PTPRT: variants seen among roughly 807,000 people sequenced by gnomAD.
The protein encoded by PTPRT is protein tyrosine phosphatase receptor type T, also known as receptor-type tyrosine-protein phosphatase T.
A neutral mutation model predicts 176.8 loss-of-function variants in PTPRT; 56 were observed. The observed-to-expected ratio is 0.32, with a 90% CI of 0.26 to 0.40. The LOEUF is 0.40. Among genes scored for constraint, PTPRT ranks in the 10% least tolerant of loss-of-function variants. The pLI is 1.00. For missense variants in PTPRT, 1,540 were observed against 1,908.2 expected, an observed-to-expected ratio of 0.81 and a Z score of 3.60; for synonymous variants, 783 against 739.0, an observed-to-expected ratio of 1.06 and a Z score of -0.96.
chr20:42,756,383 A>G, intron 6 of PTPRT, 79 bp downstream of exon 6: 2 of 1,337,002 alleles, frequency 1.5e-6, no homozygotes, highest in Non-Finnish European at 9.9e-7. Context: ...GGGGAGGATC[A>G]GCAGATGAGA....
intron 2 of PTPRT, among the ~76,000 whole-genome samples, chr20:42,823,128 G>A (rs896943553): frequency 2.6e-5 from 4 of 152,072 alleles, no homozygotes; most frequent in African/African-American, 9.7e-5. Flanking sequence ...CAAAGACATG[G>A]AGCCAACCCA....
chr20:42,698,651 A>C (rs1407400738), intron 6 of PTPRT, among the ~76,000 whole-genome samples: 2 of 152,172 alleles, frequency 1.3e-5, no homozygotes, highest in African/African-American at 2.4e-5. Context: ...ATTGTCAAAA[A>C]TTCCCTAGTT....
At chr20:43,136,761 A>G (rs1222825091) in intron 1 of PTPRT, among the ~76,000 whole-genome samples, 2 of 152,202 alleles carry the variant, frequency 1.3e-5, no homozygotes, top group African/African-American at 4.8e-5. Context: ...TGTCTTCCTA[A>G]TAAAATGAAT....
chr20:42,206,379 T>TGG (rs2055461290), intron 15 of PTPRT, among the ~76,000 whole-genome samples: 1 of 152,162 alleles, frequency 6.6e-6, no homozygotes, highest in Admixed American at 6.5e-5. Flanking sequence ...ACCGGGTTCA[T>TGG]CTCACTAGGG....
intron 9 of PTPRT, among the ~76,000 whole-genome samples, chr20:42,413,019 T>C (rs962326189): frequency 2.6e-5 from 4 of 152,204 alleles, no homozygotes; most frequent in African/African-American, 7.2e-5. Context: ...CTCCTAGAAA[T>C]GGTACATTTT....
chr20:42,098,907 G>C (rs1438124371), intron 26 of PTPRT, among the ~76,000 whole-genome samples: 1 of 152,234 alleles, frequency 6.6e-6, no homozygotes, highest in South Asian at 2.1e-4. Flanking sequence ...GGATATAAGG[G>C]ATTGGCCGCA....
chr20:42,286,816 A>G (rs2057237431), intron 12 of PTPRT, among the ~76,000 whole-genome samples: 1 of 151,952 alleles, frequency 6.6e-6, no homozygotes, highest in Non-Finnish European at 1.5e-5. Context: ...CAACCTACAA[A>G]ATGGAAGGAA....
chr20:42,247,050 T>C (rs1245767415), intron 14 of PTPRT, among the ~76,000 whole-genome samples: 1 of 152,202 alleles, frequency 6.6e-6, no homozygotes, highest in Non-Finnish European at 1.5e-5. Context: ...TATGACAATG[T>C]AGTGTTGACC....
intron 13 of PTPRT, among the ~76,000 whole-genome samples, chr20:42,274,196 T>C (rs914621304): frequency 1.3e-5 from 2 of 152,232 alleles, no homozygotes; most frequent in African/African-American, 4.8e-5. Flanking sequence ...GTCATGTGAC[T>C]AGCTCTCATC....
chr20:42,058,485 A>T, the PTPRT span, among the ~76,000 whole-genome samples: 1 of 152,138 alleles, frequency 6.6e-6, no homozygotes, highest in African/African-American at 2.4e-5. Flanking sequence ...CCACTCTCAT[A>T]TTCTCCAAGC....
At chr20:42,549,014 T>G (rs1052142847) in intron 7 of PTPRT, among the ~76,000 whole-genome samples, 1 of 152,110 alleles carries the variant, frequency 6.6e-6, no homozygotes, top group African/African-American at 2.4e-5. Context: ...CTCGGGAGCA[T>G]GGACTAGTGC....
intron 2 of PTPRT, among the ~76,000 whole-genome samples, chr20:42,851,924 A>G (rs2078479092): frequency 6.6e-6 from 1 of 152,212 alleles, no homozygotes; most frequent in Non-Finnish European, 1.5e-5. Context: ...TTAATTATAT[A>G]ATCTATTATT....
chr20:42,649,468 C>T (rs892696473), intron 7 of PTPRT, among the ~76,000 whole-genome samples: 2 of 152,156 alleles, frequency 1.3e-5, no homozygotes, highest in Admixed American at 1.3e-4. Context: ...TCATCTCTCT[C>T]TTTGCTCACC....
intron 7 of PTPRT, among the ~76,000 whole-genome samples, chr20:42,631,006 C>A (rs1000752861): frequency 1.3e-5 from 2 of 152,040 alleles, no homozygotes; most frequent in African/African-American, 4.8e-5. Flanking sequence ...GAGACTCTTA[C>A]CCAAGAAACC....
At chr20:43,020,052 C>T (rs2146173804) in intron 1 of PTPRT, among the ~76,000 whole-genome samples, 1 of 150,904 alleles carries the variant, frequency 6.6e-6, no homozygotes, top group East Asian at 2.0e-4. Flanking sequence ...TAACAAATCC[C>T]CTCTCCTCTC....
At chr20:42,469,278 A>G (rs1280820905) in intron 8 of PTPRT, among the ~76,000 whole-genome samples, 3 of 152,130 alleles carry the variant, frequency 2.0e-5, no homozygotes, top group African/African-American at 7.2e-5. Context: ...ATCTCGGCTC[A>G]CTGCAACCTC....
intron 17 of PTPRT, among the ~76,000 whole-genome samples, chr20:42,151,098 T>C (rs1989108699): frequency 6.6e-6 from 1 of 151,660 alleles, no homozygotes; most frequent in Non-Finnish European, 1.5e-5. Flanking sequence ...AATCATTCTC[T>C]TGCCATCTTC....
the PTPRT span, among the ~76,000 whole-genome samples, chr20:42,052,645 A>G: frequency 1.3e-5 from 2 of 152,168 alleles, no homozygotes; most frequent in Non-Finnish European, 1.5e-5. Context: ...AGGGTTGAGA[A>G]CAGGAGCTTG....
At chr20:42,262,835 C>T (rs1015289950) in intron 13 of PTPRT, among the ~76,000 whole-genome samples, 1 of 149,682 alleles carries the variant, frequency 6.7e-6, no homozygotes, top group African/African-American at 2.5e-5. Flanking sequence ...CAATAGAAAA[C>T]TTTGCTTAGG....
Sources: allele counts gnomAD v4.1 joint callset (sites outside exome capture counted in the v4.1 genomes callset), GRCh38; gene constraint gnomAD v4.1.1; transcripts MANE v1.5; gene names NCBI Gene and HGNC (gene_info 2026-07-23, HGNC 2026-07-21).